Variants in TRIOBP observed in about 807,000 individuals in gnomAD.
TRIOBP encodes the protein TRIO and F-actin binding protein, also known as TRIO and F-actin-binding protein.
A neutral mutation model predicts 238.8 loss-of-function variants in TRIOBP; 169 were observed. The ratio of observed to expected loss-of-function variants is 0.71; its 90% CI spans 0.62 to 0.80. The LOEUF (loss-of-function observed/expected upper bound fraction) is 0.80, where lower values mean the gene tolerates loss of function less well. Ranked by LOEUF, TRIOBP falls within the 30% of genes least tolerant of loss-of-function variation. TRIOBP has a pLI of 0.00. For missense variants in TRIOBP, 2,838 were observed against 3,122.6 expected (o/e 0.91, Z 2.17); for synonymous variants, 1,150 against 1,274.4 (o/e 0.90, Z 2.08).
Position 37,735,362 on chromosome 22 carries a change from G to A in TRIOBP, c.5026G>A (p.Ala1676Thr), listed in dbSNP as rs1299325020. 6.2e-6 allele frequency: 10 copies of A among 1,611,758 alleles called. No homozygotes were observed. The highest frequency in any genetic ancestry group is 4.4e-5 in the South Asian group (4 of 90,924). The change falls in exon 9 of 24, where the codon GCA (alanine) becomes ACA (threonine). Residue 1676 changes from alanine (A) to threonine (T), a missense_variant. By Grantham distance (58) the Ala-to-Thr change is moderately conservative. This residue lies in a region of TRIOBP where 2,096 missense variants were observed against 2,137.4 expected (regional missense o/e 0.98). Transcript: ENST00000644935. ...KIKVTRGPAT[A>T]TLAGLEQTGP... ...CAAAGTGACAAGAGGACCAGCGACC[G>A]CAACTCTGGCAGGCCTGGAGCAGAC...
intron 16 of TRIOBP, 137 bp downstream of exon 16, chr22:37,758,275 C>T: frequency 8.8e-7 from 1 of 1,135,266 alleles, no homozygotes; most frequent in African/African-American, 1.5e-5. Flanking sequence ...GTGTGCACCC[C>T]ACACTCCTGC....
chr22:37,758,739 G>A (rs1214245227), intron 16 of TRIOBP, among the ~76,000 whole-genome samples: 3 of 151,556 alleles, frequency 2.0e-5, no homozygotes, highest in East Asian at 1.9e-4. Context: ...TCTTCTGCCC[G>A]TGGCCTCCCT....
At chr22:37,718,153 C>T (rs1269480646) in intron 6 of TRIOBP, among the ~76,000 whole-genome samples, 2 of 152,220 alleles carry the variant, frequency 1.3e-5, no homozygotes, top group Non-Finnish European at 2.9e-5. Flanking sequence ...CCACCAAGCC[C>T]ACGCCCACCC....
At chr22:37,749,972 T>G (rs1334435531) in intron 11 of TRIOBP, among the ~76,000 whole-genome samples, 2 of 151,930 alleles carry the variant, frequency 1.3e-5, no homozygotes, top group African/African-American at 4.8e-5. Flanking sequence ...AAAACTCAAA[T>G]TGGTGACCTT....
intron 17 of TRIOBP, among the ~76,000 whole-genome samples, 190 bp from the exon 18 acceptor site, chr22:37,765,480 C>T (rs1601665993): frequency 2.8e-5 from 4 of 145,176 alleles, no homozygotes; most frequent in Admixed American, 2.1e-4. Flanking sequence ...GAGGCAGGAG[C>T]GACAAGGTGA....
In TRIOBP at chr22:37,705,079, AAAAC is replaced by A. The variant is rs372027260; in HGVS notation, c.114+3610_114+3613del. Among the ~76,000 whole-genome samples, 294 of 152,014 alleles carry A rather than the reference AAAAC, an allele frequency of 1.9e-3. 1 individual carries two copies. The highest frequency in any genetic ancestry group is 6.8e-3 in the African/African-American group (283 of 41,454). On this transcript the variant is annotated intron_variant, in intron 3 of 23. Transcript: ENST00000644935. ...CAGAATGAGACCTTGTCTCAAAAAC[AAAAC>A]AAACAAACAGGTCAGGTGCAGTGGT...
chr22:37,743,132 AGGTTGGCTACAGT>A (rs1182590639), intron 11 of TRIOBP, among the ~76,000 whole-genome samples: 2 of 152,132 alleles, frequency 1.3e-5, no homozygotes, highest in African/African-American at 4.8e-5. Flanking sequence ...AGGCTTGGTG[AGGTTGGCTACAGT>A]GGTTCTCTCA....
chr22:37,725,166 A>G lies in TRIOBP; in HGVS notation c.2610A>G (p.Gln870=), dbSNP rs114062955. Residue 870 remains glutamine (Q), a synonymous_variant, in exon 7 of 24, where the codon CAA becomes CAG. Transcript: ENST00000644935. ...QRDNPGTSSS[Q]CCTQKENLRP... ...ACAACCCTGGAACCTCCTCATCTCA[A>G]TGCTGCACCCAAAAGGAGAATCTGA... is the stretch of plus-strand genomic sequence containing the variant. 1.7e-3 allele frequency: 2,804 copies of G among 1,614,030 alleles called. 40 individuals are homozygous for G. In the African/African-American group the frequency reaches 0.033, roughly 19 times the overall value.
In TRIOBP at chr22:37,765,818, G is replaced by A. The variant is rs775889187; in HGVS notation, c.6472+1G>A. The A allele has an allele frequency of 6.5e-7, 1 of 1,533,232 alleles. No homozygotes were observed. The highest frequency in any genetic ancestry group is 8.7e-7 in the Non-Finnish European group (1 of 1,152,338). The allele number at this position is 1,533,232 out of a possible 1,614,324, so 95.0% of individuals were successfully genotyped here. On this transcript the variant is annotated splice_donor_variant, in intron 18 of 23. Coordinates refer to ENST00000644935, the MANE Select transcript of TRIOBP (RefSeq NM_001039141.3). LOFTEE classifies it high-confidence loss of function. Reference sequence around the variant, plus strand: ...GAGGAGACGGCAGCCACGGCCTCAGGTATGGACCCTGGGGGGGGCACAGTG... The same window carrying A: ...GAGGAGACGGCAGCCACGGCCTCAGATATGGACCCTGGGGGGGGCACAGTG...
chr22:37,708,416 T>C (rs1923063850), intron 3 of TRIOBP, among the ~76,000 whole-genome samples: 1 of 152,108 alleles, frequency 6.6e-6, no homozygotes, highest in Non-Finnish European at 1.5e-5. Context: ...CCGGGCATGG[T>C]GTCGGGCACC....
At chr22:37,745,715 A>G (rs552617162) in intron 11 of TRIOBP, among the ~76,000 whole-genome samples, 1 of 152,264 alleles carries the variant, frequency 6.6e-6, no homozygotes, top group African/African-American at 2.4e-5. Context: ...TCATTAGCAA[A>G]ATAAGACCTC....
intron 15 of TRIOBP, among the ~76,000 whole-genome samples, chr22:37,755,883 G>A (rs1925893858): frequency 6.6e-6 from 1 of 152,164 alleles, no homozygotes; most frequent in African/African-American, 2.4e-5. Flanking sequence ...TCTCTTTGGA[G>A]GAGATGCCTG....
At chr22:37,770,368 T>C (rs1450236560) in intron 21 of TRIOBP, among the ~76,000 whole-genome samples, 3 of 144,582 alleles carry the variant, frequency 2.1e-5, no homozygotes, top group East Asian at 4.6e-4. Context: ...GAGAATGGCA[T>C]GAACCTGGGA....
At chr22:37,702,624 TTC>T (rs36031958) in intron 3 of TRIOBP, among the ~76,000 whole-genome samples, 1 of 148,148 alleles carries the variant, frequency 6.8e-6, no homozygotes, top group Non-Finnish European at 1.5e-5. Flanking sequence ...GAGATTTTCT[TTC>T]TCTCTCTCTT....
chr22:37,769,483 C>G, intron 21 of TRIOBP, 108 bp downstream of exon 21: 3 of 1,136,070 alleles, frequency 2.6e-6, no homozygotes, highest in South Asian at 2.7e-5. Flanking sequence ...AGCCAAGTCT[C>G]CCAGTGGCTG....
intron 6 of TRIOBP, among the ~76,000 whole-genome samples, chr22:37,720,946 C>T (rs925773648): frequency 1.1e-4 from 17 of 152,150 alleles, no homozygotes; most frequent in African/African-American, 2.9e-4. Flanking sequence ...CAACCTCCAC[C>T]TCCCGGGTTC....
intron 2 of TRIOBP, among the ~76,000 whole-genome samples, chr22:37,698,656 A>G (rs1922481682): frequency 6.6e-6 from 1 of 152,014 alleles, no homozygotes; most frequent in African/African-American, 2.4e-5. Context: ...CCTGGCCAAG[A>G]GCCCATTTTT....
rs1277191574 is a variant in TRIOBP, at chr22:37,759,208, C to G, written c.6268C>G (p.Gln2090Glu). Reference protein sequence around the residue: ...EAWRLQGEAPQSALRSQEDGH... With the variant: ...EAWRLQGEAPESALRSQEDGH... ...GTGGCGTCTCCAAGGGGAGGCTCCT[C>G]AGAGTGCACTGAGATCCCAGGAGGA... Residue 2090 changes from glutamine (Q) to glutamate (E), a missense_variant, in exon 17 of 24, where the codon CAG becomes GAG. Gln to Glu is a conservative substitution (Grantham distance 29). Transcript: ENST00000644935. The G allele has an allele frequency of 6.2e-7, 1 of 1,613,038 alleles. No homozygotes were observed.
intron 12 of TRIOBP, among the ~76,000 whole-genome samples, chr22:37,753,477 C>G (rs1035892518): frequency 3.9e-5 from 6 of 152,138 alleles, no homozygotes; most frequent in African/African-American, 1.4e-4. Flanking sequence ...CAGGGTTTCT[C>G]CATGTTGGTC....
Sources: gnomAD v4.1 joint callset for allele counts (sites outside exome capture counted in the v4.1 genomes callset) on GRCh38, gnomAD v4.1.1 for gene constraint, gnomAD v4.1.1 regional missense constraint, MANE v1.5 for transcripts, NCBI Gene and HGNC (gene_info 2026-07-23, HGNC 2026-07-21) for gene names.